RTL4: variants seen among roughly 807,000 people sequenced by gnomAD.
RTL4 encodes retrotransposon Gag-like protein 4.
In RTL4, 4 loss-of-function variants were observed where a neutral mutation model predicts 5.3. The ratio of observed to expected loss-of-function variants is 0.75; its 90% confidence interval spans 0.37 to 1.72. RTL4 has a LOEUF of 1.72. RTL4 is among the 40% of genes most tolerant of loss of function. The pLI is 0.04. For synonymous variants in RTL4, 98 were observed against 87.3 expected, an observed-to-expected ratio of 1.12 and a Z score of -0.68; for missense variants, 260 against 227.1, an observed-to-expected ratio of 1.14 and a Z score of -0.93.
chrX:112,380,259 G>A, the RTL4 span, among the ~76,000 whole-genome samples: 188 of 109,018 alleles, frequency 1.7e-3, no homozygotes, highest in African/African-American at 6.0e-3. Context: ...CCATTCTCCC[G>A]CCTCAGCCTC....
the RTL4 span, among the ~76,000 whole-genome samples, chrX:112,097,960 C>CT: frequency 9.0e-6 from 1 of 111,028 alleles, no homozygotes; most frequent in Admixed American, 9.6e-5. Context: ...TAAGTTAGTT[C>CT]TTTTTTTTAT....
chrX:112,167,026 C>A, the RTL4 span, among the ~76,000 whole-genome samples: 1 of 111,355 alleles, frequency 9.0e-6, no homozygotes, highest in Non-Finnish European at 1.9e-5. Flanking sequence ...AAGGTAAACA[C>A]ACTGAAAGCA....
the RTL4 span, among the ~76,000 whole-genome samples, chrX:112,085,149 G>A: frequency 1.6e-4 from 18 of 111,765 alleles, no homozygotes; most frequent in Admixed American, 1.5e-3. Flanking sequence ...CTGTCAATAG[G>A]GACATATTCT....
At chrX:112,231,587 G>A in the RTL4 span, among the ~76,000 whole-genome samples, 1 of 68,698 alleles carries the variant, frequency 1.5e-5, no homozygotes, top group Non-Finnish European at 2.6e-5. Flanking sequence ...GGGGGGAGGG[G>A]GGAGGGATAG....
the RTL4 span, among the ~76,000 whole-genome samples, chrX:112,242,662 C>T: frequency 9.0e-6 from 1 of 111,587 alleles, no homozygotes; most frequent in African/African-American, 3.3e-5. Flanking sequence ...TTTAACTCCT[C>T]TTTTCCTAAT....
At chrX:112,161,824 C>CTTTCTTTCTTTCTTTCTTT in the RTL4 span, among the ~76,000 whole-genome samples, 1 of 38,881 alleles carries the variant, frequency 2.6e-5, no homozygotes, top group African/African-American at 9.0e-5. Context: ...TTCCTTCCTT[C>CTTTCTTTCTTTCTTTCTTT]CTTCCTTCCT....
At chrX:112,160,706 A>G in the RTL4 span, among the ~76,000 whole-genome samples, 1 of 111,087 alleles carries the variant, frequency 9.0e-6, no homozygotes, top group African/African-American at 3.3e-5. Context: ...AGACTGGACA[A>G]GTTTGTTACT....
the RTL4 span, among the ~76,000 whole-genome samples, chrX:112,367,610 T>C: frequency 1.8e-5 from 2 of 112,373 alleles, no homozygotes. Flanking sequence ...CCCAAGTTTC[T>C]TCCATTGATT....
chrX:112,098,319 A>G, the RTL4 span, among the ~76,000 whole-genome samples: 2 of 110,905 alleles, frequency 1.8e-5, no homozygotes, highest in Non-Finnish European at 3.8e-5. Flanking sequence ...ATAGTATTCC[A>G]TGGTGTATAT....
At chrX:112,241,737 T>C in the RTL4 span, among the ~76,000 whole-genome samples, 3 of 112,129 alleles carry the variant, frequency 2.7e-5, no homozygotes, top group Admixed American at 9.5e-5. Flanking sequence ...CTCTTGTCAT[T>C]GCTTTTGTTG....
At chrX:112,189,019 T>A in the RTL4 span, among the ~76,000 whole-genome samples, 1 of 111,443 alleles carries the variant, frequency 9.0e-6, no homozygotes, top group Non-Finnish European at 1.9e-5. Flanking sequence ...TTATGTTTTA[T>A]TTTTATAGCT....
At chrX:112,109,413 G>C in the RTL4 span, among the ~76,000 whole-genome samples, 7 of 111,659 alleles carry the variant, frequency 6.3e-5, no homozygotes, top group Non-Finnish European at 1.1e-4. Flanking sequence ...AAGGGGACCC[G>C]AGCAGGTTGC....
the RTL4 span, among the ~76,000 whole-genome samples, chrX:112,409,565 C>CAA: frequency 9.2e-6 from 1 of 108,311 alleles, no homozygotes; most frequent in South Asian, 4.1e-4. Flanking sequence ...ACTAAAAATA[C>CAA]AAAAAATTAC....
At chrX:112,415,066 T>A in the RTL4 span, among the ~76,000 whole-genome samples, 3 of 111,591 alleles carry the variant, frequency 2.7e-5, no homozygotes, top group Admixed American at 9.6e-5. Flanking sequence ...TACAAATTTT[T>A]AAAACTTTTT....
At chrX:112,268,302 G>A in the RTL4 span, among the ~76,000 whole-genome samples, 1 of 112,151 alleles carries the variant, frequency 8.9e-6, no homozygotes, top group Non-Finnish European at 1.9e-5. Flanking sequence ...CTTCCCCCAC[G>A]TGTCCACATG....
chrX:112,401,937 A>G, the RTL4 span, among the ~76,000 whole-genome samples: 1 of 111,932 alleles, frequency 8.9e-6, no homozygotes, highest in Non-Finnish European at 1.9e-5. Context: ...ACAATTTTCT[A>G]TCCCACTACT....
the RTL4 span, among the ~76,000 whole-genome samples, chrX:112,237,687 A>G: frequency 1.4e-4 from 16 of 112,356 alleles, no homozygotes; most frequent in Non-Finnish European, 3.0e-4. Context: ...ATGGAGGTAA[A>G]TACTCTATGC....
At chrX:112,393,258 C>A in the RTL4 span, among the ~76,000 whole-genome samples, 1 of 105,433 alleles carries the variant, frequency 9.5e-6, no homozygotes. Flanking sequence ...ACTGCAACCT[C>A]CGCCTCCCGG....
the RTL4 span, among the ~76,000 whole-genome samples, chrX:112,431,253 G>GT: frequency 5.4e-5 from 4 of 74,391 alleles, no homozygotes; most frequent in African/African-American, 2.6e-4. Context: ...TTAGGCTCTG[G>GT]TGAAAAAAAA....
Sources: gnomAD v4.1 joint callset for allele counts (sites outside exome capture counted in the v4.1 genomes callset) on GRCh38, gnomAD v4.1.1 for gene constraint, MANE v1.5 for transcripts, NCBI Gene and HGNC (gene_info 2026-07-23, HGNC 2026-07-21) for gene names.